MRPS28: variants seen among roughly 807,000 people sequenced by gnomAD.
MRPS28 encodes small ribosomal subunit protein bS1m.
A neutral mutation model predicts 10.8 loss-of-function variants in MRPS28; 7 were observed. The observed-to-expected ratio is 0.65, with a 90% CI of 0.37 to 1.22. The LOEUF is 1.22. Ranked by LOEUF, MRPS28 falls within the 50% of genes most tolerant of loss-of-function variation. The pLI, the probability that MRPS28 is intolerant of heterozygous loss-of-function variation, is 0.02. For synonymous variants in MRPS28, 121 were observed against 93.3 expected, an observed-to-expected ratio of 1.30 and a Z score of -1.71; for missense variants, 265 against 232.9, an observed-to-expected ratio of 1.14 and a Z score of -0.90.
rs117713857 is a variant in MRPS28, at chr8:79,937,672, C to T, written c.396-18524G>A. Among the ~76,000 whole-genome samples the T allele has an allele frequency of 3.6e-3, 545 of 152,164 alleles. 4 individuals carry two copies. Among genetic ancestry groups the T allele is most frequent in the Non-Finnish European group, 5.4e-3 (364 of 68,016 alleles). ...TTTATTTTTTAAATCAAAGACAATGCAGACGTTCTTTTTACCTTTCATAGT... is the reference window on the plus strand; with the variant it reads ...TTTATTTTTTAAATCAAAGACAATGTAGACGTTCTTTTTACCTTTCATAGT... On this transcript the variant is annotated intron_variant, in intron 2 of 2. Transcript: ENST00000276585.
chr8:79,960,462 TC>T (rs1309891226), intron 2 of MRPS28, among the ~76,000 whole-genome samples: 2 of 152,092 alleles, frequency 1.3e-5, no homozygotes, highest in Non-Finnish European at 2.9e-5. Flanking sequence ...CTTTCACTTT[TC>T]CCAAAGATAT....
At position 79,919,006 on chromosome 8, in the gene MRPS28, A is replaced by G. The variant is rs762938691; in HGVS notation, c.538T>C (p.Ser180Pro). 3 of 1,572,468 alleles carry G rather than the reference A, an allele frequency of 1.9e-6. No individual in the cohort carries two copies. The South Asian group carries it at 3.6e-5, about 19-fold the overall frequency. ...TATTTTTCATGATGTTCTTCTTTCG[A>G]TCTTGAGTCTTTACTCTCCTGGATT... ...LGIQESKDSR[S>P]KEEHHEK is the part of the protein sequence containing the mutation. Residue 180 changes from serine to proline, a missense_variant, in exon 3 of 3, where the codon TCG (serine) becomes CCG (proline). Coordinates refer to ENST00000276585, the MANE Select transcript of MRPS28 (RefSeq NM_014018.3).
intron 2 of MRPS28, among the ~76,000 whole-genome samples, chr8:79,992,636 G>A (rs2061234797): frequency 6.6e-6 from 1 of 152,194 alleles, no homozygotes; most frequent in South Asian, 2.1e-4. Flanking sequence ...AGCACATTAT[G>A]ATTAAGGTAC....
intron 2 of MRPS28, among the ~76,000 whole-genome samples, chr8:79,993,625 A>C (rs1244359162): frequency 2.0e-5 from 3 of 152,206 alleles, no homozygotes; most frequent in African/African-American, 4.8e-5. Flanking sequence ...TAAAAAGCTA[A>C]ATATAACGGA....
chr8:80,004,553 G>C, intron 1 of MRPS28, among the ~76,000 whole-genome samples: 1 of 152,158 alleles, frequency 6.6e-6, no homozygotes, highest in Admixed American at 6.5e-5. Context: ...GAGCAGAAAA[G>C]CTGAAAATTC....
chr8:79,972,912 A>G lies in MRPS28; in HGVS notation c.395+30087T>C, dbSNP rs149904591. On this transcript the variant is annotated intron_variant, in intron 2 of 2. Transcript: ENST00000276585. ...TGGGAGATCTTAAATATAAATTAAA[A>G]AGGAAAAATTGATTGAATGCTCTCA... 1.0e-2 allele frequency among the ~76,000 whole-genome samples: 1,516 copies of G among 152,344 alleles called. 12 individuals are homozygous for G. Among genetic ancestry groups the G allele is most frequent in the African/African-American group, 0.014 (602 of 41,578 alleles).
At chr8:79,940,602 T>C (rs1485828150) in intron 2 of MRPS28, among the ~76,000 whole-genome samples, 2 of 152,272 alleles carry the variant, frequency 1.3e-5, no homozygotes, top group Non-Finnish European at 2.9e-5. Flanking sequence ...CAAAGGTGGC[T>C]TGTAGCTTTC....
At chr8:80,027,572 T>C (rs1210965458) in intron 1 of MRPS28, among the ~76,000 whole-genome samples, 1 of 152,226 alleles carries the variant, frequency 6.6e-6, no homozygotes, top group African/African-American at 2.4e-5. Context: ...TTAAGTCTGA[T>C]TATAGAGCCC....
At chr8:79,981,172 A>G (rs1807942935) in intron 2 of MRPS28, among the ~76,000 whole-genome samples, 1 of 152,144 alleles carries the variant, frequency 6.6e-6, no homozygotes, top group African/African-American at 2.4e-5. Flanking sequence ...CAACAAAAAA[A>G]TACAAAAATT....
intron 2 of MRPS28, among the ~76,000 whole-genome samples, chr8:79,949,649 C>T (rs567633878): frequency 1.4e-4 from 21 of 152,044 alleles, no homozygotes; most frequent in Admixed American, 2.6e-4. Flanking sequence ...TTACAGTTCC[C>T]GGTATATCTA....
intron 2 of MRPS28, among the ~76,000 whole-genome samples, chr8:79,976,174 C>G (rs374299599): frequency 6.6e-6 from 1 of 151,960 alleles, no homozygotes; most frequent in East Asian, 1.9e-4. Flanking sequence ...ACCTCTGCCT[C>G]CCGGGTTCAA....
At chr8:79,930,555 G>A (rs1284940937) in intron 2 of MRPS28, among the ~76,000 whole-genome samples, 1 of 152,172 alleles carries the variant, frequency 6.6e-6, no homozygotes, top group Non-Finnish European at 1.5e-5. Context: ...TGCCATATGT[G>A]CTCCTTAACC....
chr8:79,923,922 G>GAGAGGTTTC lies in MRPS28; in HGVS notation c.396-4783_396-4775dup, dbSNP rs372024564. On this transcript the variant is annotated intron_variant, in intron 2 of 2. Transcript: ENST00000276585. ...GGCATGGTTTAAAGACTTTCCTTTGGAGAGGTTTCTGACATTCTTTCCACA... is the reference window on the plus strand; with the variant it reads ...GGCATGGTTTAAAGACTTTCCTTTGGAGAGGTTTCAGAGGTTTCTGACATTCTTTCCACA... Among the ~76,000 whole-genome samples the GAGAGGTTTC allele has an allele frequency of 2.6e-4, 40 of 152,284 alleles. 2 individuals carry two copies. The East Asian group carries it at 7.5e-3, about 29-fold the overall frequency.
rs185972929 is a variant in MRPS28, at chr8:79,949,132, G to T, written c.396-29984C>A. ...GGTCTTCTGCTTTTAAAACTAATCT[G>T]CGGCTCGGTGCCGTGGCTCACACCT... On this transcript the variant is annotated intron_variant, in intron 2 of 2. Coordinates refer to ENST00000276585, the MANE Select transcript of MRPS28 (RefSeq NM_014018.3). 1.7e-3 allele frequency among the ~76,000 whole-genome samples: 252 copies of T among 152,096 alleles called. 1 individual carries two copies. Among genetic ancestry groups the T allele is most frequent in the African/African-American group, 5.7e-3 (235 of 41,514 alleles).
At chr8:80,000,681 C>T (rs936886649) in intron 2 of MRPS28, among the ~76,000 whole-genome samples, 3 of 152,162 alleles carry the variant, frequency 2.0e-5, no homozygotes, top group Non-Finnish European at 4.4e-5. Context: ...AAATTCAAAT[C>T]AGACTATACT....
intron 1 of MRPS28, among the ~76,000 whole-genome samples, chr8:80,024,658 T>A (rs1262059735): frequency 2.6e-5 from 4 of 152,246 alleles, no homozygotes; most frequent in Admixed American, 2.6e-4. Context: ...CCATCTGAGA[T>A]GCTATTTTTC....
rs767221360 is a variant in MRPS28 at position 79,947,629 on chromosome 8, G to GTTTTT, written c.396-28486_396-28482dup. Among the ~76,000 whole-genome samples the GTTTTT allele has an allele frequency of 1.5e-3, 165 of 109,208 alleles. 3 individuals carry two copies. The highest frequency in any genetic ancestry group is 4.4e-3 in the African/African-American group (114 of 25,796). The allele number at this position is 109,208 out of a possible 152,430, so 71.6% of individuals were successfully genotyped here. A position where few individuals can be genotyped will look rare whatever the true frequency, so the allele number is the denominator to read the frequency against. On this transcript the variant is annotated intron_variant, in intron 2 of 2. Coordinates refer to ENST00000276585, the MANE Select transcript of MRPS28 (RefSeq NM_014018.3). The stretch of plus-strand genomic sequence containing the variant: ...ACATATCTTTTGTTAAATATATTAA[G>GTTTTT]TTTTTTTTTTTTTTTTTTTTTTTGA...
chr8:79,922,191 A>C (rs1810112647), intron 2 of MRPS28, among the ~76,000 whole-genome samples: 1 of 152,196 alleles, frequency 6.6e-6, no homozygotes. Flanking sequence ...ATTGTTATTA[A>C]AATGTAATGC....
chr8:79,979,720 C>T (rs1024914891), intron 2 of MRPS28, among the ~76,000 whole-genome samples: 18 of 151,650 alleles, frequency 1.2e-4, no homozygotes, highest in African/African-American at 4.4e-4. Context: ...CTTATGAAAA[C>T]TACCTGCCCT....
Sources: gnomAD v4.1 joint callset for allele counts (sites outside exome capture counted in the v4.1 genomes callset) on GRCh38, gnomAD v4.1.1 for gene constraint, MANE v1.5 for transcripts, NCBI Gene and HGNC (gene_info 2026-07-23, HGNC 2026-07-21) for gene names.